The following PTPRO variants were observed in gnomAD, a reference collection of about 807,000 sequenced individuals.
PTPRO encodes the protein receptor-type tyrosine-protein phosphatase O.
A neutral mutation model predicts 145.2 loss-of-function variants in PTPRO; 62 were observed. That is an observed-to-expected ratio of 0.43 (90% CI 0.35 to 0.53). The LOEUF is 0.53. PTPRO is among the 20% of genes least tolerant of loss of function. The pLI, the probability that PTPRO is intolerant of heterozygous loss-of-function variation, is 0.01. For synonymous variants in PTPRO, 565 were observed against 514.7 expected, an observed-to-expected ratio of 1.10 and a Z score of -1.32; for missense variants, 1,345 against 1,482.7, an observed-to-expected ratio of 0.91 and a Z score of 1.53.
chr12:15,450,462 A>G (rs1388027823), intron 1 of PTPRO, among the ~76,000 whole-genome samples: 1 of 152,116 alleles, frequency 6.6e-6, no homozygotes, highest in African/African-American at 2.4e-5. Flanking sequence ...CTTTCCATCC[A>G]TAAATGTTTC....
intron 11 of PTPRO, among the ~76,000 whole-genome samples, chr12:15,525,831 C>T (rs1007663753): frequency 3.3e-5 from 5 of 152,116 alleles, no homozygotes; most frequent in African/African-American, 9.7e-5. Context: ...AGTAGCAACT[C>T]AGTAATTGTC....
At chr12:15,561,410 A>T (rs538443330) in intron 17 of PTPRO, among the ~76,000 whole-genome samples, 2 of 152,234 alleles carry the variant, frequency 1.3e-5, no homozygotes, top group East Asian at 3.9e-4. Flanking sequence ...ATAAAAAAGG[A>T]TTTCCTCAAA....
chr12:15,512,732 G>A (rs1031747896), intron 7 of PTPRO, among the ~76,000 whole-genome samples: 6 of 152,110 alleles, frequency 3.9e-5, no homozygotes, highest in Non-Finnish European at 8.8e-5. Context: ...GGCGGTTCAC[G>A]CCTGTAATCC....
At chr12:15,324,916 T>C (rs921001987) in intron 1 of PTPRO, among the ~76,000 whole-genome samples, 9 of 152,300 alleles carry the variant, frequency 5.9e-5, no homozygotes, top group African/African-American at 2.2e-4. Context: ...CTCTTTATAA[T>C]TTGGAGATAT....
intron 12 of PTPRO, among the ~76,000 whole-genome samples, chr12:15,533,825 C>T (rs145183926): frequency 4.5e-4 from 68 of 152,222 alleles, no homozygotes; most frequent in African/African-American, 1.4e-3. Flanking sequence ...AAGCTGGGGC[C>T]GTAACTGGTT....
intron 1 of PTPRO, among the ~76,000 whole-genome samples, chr12:15,463,721 CT>C (rs1418766926): frequency 6.6e-6 from 1 of 152,102 alleles, no homozygotes; most frequent in African/African-American, 2.4e-5. Flanking sequence ...TCCTTCCTCC[CT>C]TTTTACTTTC....
chr12:15,486,582 G>C (rs1001408533), intron 2 of PTPRO, among the ~76,000 whole-genome samples: 1 of 151,922 alleles, frequency 6.6e-6, no homozygotes, highest in African/African-American at 2.4e-5. Context: ...TTTTCTGGTA[G>C]ACACATTAAA....
intron 7 of PTPRO, among the ~76,000 whole-genome samples, chr12:15,513,480 G>A (rs552747981): frequency 8.5e-5 from 13 of 152,306 alleles, no homozygotes; most frequent in South Asian, 4.1e-4. Flanking sequence ...GTTTAAGTCA[G>A]TGGGAAATAA....
intron 1 of PTPRO, among the ~76,000 whole-genome samples, chr12:15,397,078 A>C (rs907270452): frequency 3.9e-5 from 6 of 152,136 alleles, no homozygotes; most frequent in Non-Finnish European, 8.8e-5. Flanking sequence ...AATTGTCCTC[A>C]ATAGAAAGTT....
intron 14 of PTPRO, among the ~76,000 whole-genome samples, chr12:15,549,839 T>C (rs1943405513): frequency 1.3e-5 from 2 of 152,268 alleles, no homozygotes; most frequent in Non-Finnish European, 2.9e-5. Flanking sequence ...TTCACTGGTT[T>C]AGTTCCATTT....
intron 1 of PTPRO, among the ~76,000 whole-genome samples, chr12:15,355,885 T>C (rs79734605): frequency 0.024 from 3,688 of 152,316 alleles, 151 homozygotes; most frequent in African/African-American, 0.084. Flanking sequence ...AGAACAGCCA[T>C]ATAATTAACT....
chr12:15,503,579 A>G (rs1274029282), intron 5 of PTPRO, among the ~76,000 whole-genome samples: 1 of 152,160 alleles, frequency 6.6e-6, no homozygotes, highest in African/African-American at 2.4e-5. Flanking sequence ...GAGAAAGCCA[A>G]CAATTGTTAA....
chr12:15,383,075 A>G (rs891344878), intron 1 of PTPRO, among the ~76,000 whole-genome samples: 5 of 152,180 alleles, frequency 3.3e-5, no homozygotes, highest in Admixed American at 1.3e-4. Context: ...CCTCCTGCCT[A>G]ACTGAAGCTT....
intron 12 of PTPRO, among the ~76,000 whole-genome samples, 196 bp downstream of exon 12, chr12:15,526,458 C>T (rs559206094): frequency 6.6e-6 from 1 of 152,208 alleles, no homozygotes; most frequent in South Asian, 2.1e-4. Context: ...GTATACTGTT[C>T]TGGGAAACAG....
rs576555133 is a variant in PTPRO at position 15,439,338 on chromosome 12, G to A, written c.76-44636G>A. Among the ~76,000 whole-genome samples the A allele has an allele frequency of 2.6e-5, 4 of 152,278 alleles. No homozygotes were observed. The South Asian group carries it at 8.3e-4, about 32-fold the overall frequency. ...AAAAACACACTTAAGTACATAGCCT[G>A]CAGACCATATAAAGCAACTACACAA... On this transcript the variant is annotated intron_variant, in intron 1 of 26. Transcript: ENST00000281171.
At chr12:15,531,355 T>G (rs567019353) in intron 12 of PTPRO, among the ~76,000 whole-genome samples, 1 of 152,334 alleles carries the variant, frequency 6.6e-6, no homozygotes, top group Admixed American at 6.5e-5. Context: ...AAATTCATTC[T>G]GTAAGATAAT....
intron 1 of PTPRO, among the ~76,000 whole-genome samples, chr12:15,435,265 C>T (rs1159745819): frequency 1.3e-5 from 2 of 152,064 alleles, no homozygotes; most frequent in East Asian, 3.9e-4. Context: ...TTAATGATGA[C>T]CCGTAAGTCA....
intron 1 of PTPRO, among the ~76,000 whole-genome samples, chr12:15,461,683 T>C (rs1941306365): frequency 6.8e-6 from 1 of 148,070 alleles, no homozygotes; most frequent in African/African-American, 2.5e-5. Flanking sequence ...TTCTCCTGCC[T>C]CAGCCTCCTG....
intron 25 of PTPRO, among the ~76,000 whole-genome samples, chr12:15,592,041 G>A (rs1354456160): frequency 6.6e-6 from 1 of 152,044 alleles, no homozygotes. Flanking sequence ...GATTCCCGCA[G>A]GACTTCCTGG....
Sources: allele counts gnomAD v4.1 joint callset (sites outside exome capture counted in the v4.1 genomes callset), GRCh38; gene constraint gnomAD v4.1.1; transcripts MANE v1.5; gene names NCBI Gene and HGNC (gene_info 2026-07-23, HGNC 2026-07-21).